Variants in FOCAD observed in about 807,000 individuals in gnomAD.
The protein encoded by FOCAD is KIAA1797.
In FOCAD, 198 loss-of-function variants were observed where a neutral mutation model predicts 225.6. That is an observed-to-expected ratio of 0.88 (90% CI 0.78 to 0.99). The LOEUF is 0.99. FOCAD is among the 50% of genes least tolerant of loss of function. The probability of loss-of-function intolerance (pLI) is 0.00; values close to 1 mark genes in which losing one functional copy is unlikely to be tolerated. For missense variants in FOCAD, 2,713 were observed against 2,123.6 expected (o/e 1.28, Z -5.46); for synonymous variants, 897 against 755.0 (o/e 1.19, Z -3.08).
chr9:20,919,702 G>C (rs989281428), intron 24 of FOCAD, among the ~76,000 whole-genome samples: 4 of 152,160 alleles, frequency 2.6e-5, no homozygotes, highest in Non-Finnish European at 5.9e-5. Context: ...AGAAAAACAA[G>C]CAATGGGGAA....
chr9:20,770,744 A>C (rs902210274), intron 8 of FOCAD, among the ~76,000 whole-genome samples: 1 of 152,214 alleles, frequency 6.6e-6, no homozygotes, highest in African/African-American at 2.4e-5. Flanking sequence ...TAGTTTGCAT[A>C]TTAGAGGCAT....
chr9:20,995,570 T>G lies in FOCAD; in HGVS notation c.5347T>G (p.Leu1783Val). 1 of 1,612,790 alleles carries G rather than the reference T, an allele frequency of 6.2e-7. No individual in the cohort carries two copies. Among genetic ancestry groups the G allele is most frequent in the Non-Finnish European group, 8.5e-7 (1 of 1,178,896 alleles). ...RDLLKATLLSLRVLPEFKKKA... is the reference protein window; with the variant it reads ...RDLLKATLLSVRVLPEFKKKA... ...TGTCCCCTTAGCCACCCTGCTGTCC[T>G]TGAGAGTTCTCCCAGAGTTTAAGAA... The change falls in exon 44 of 44, where the codon TTG (leucine) becomes GTG (valine). Residue 1783 changes from leucine (L) to valine (V), a missense_variant. Coordinates refer to ENST00000338382, the MANE Select transcript of FOCAD (RefSeq NM_001375567.1).
chr9:20,834,641 T>C (rs938137798), intron 15 of FOCAD, among the ~76,000 whole-genome samples: 1 of 152,024 alleles, frequency 6.6e-6, no homozygotes, highest in Non-Finnish European at 1.5e-5. Context: ...ATTCCTTCCT[T>C]ATGAACTTCA....
intron 15 of FOCAD, among the ~76,000 whole-genome samples, chr9:20,843,980 T>C (rs1826811413): frequency 6.6e-6 from 1 of 152,144 alleles, no homozygotes; most frequent in Non-Finnish European, 1.5e-5. Flanking sequence ...AAGTTAGAAA[T>C]GAAAGACAAC....
At chr9:20,918,964 C>T (rs1005885514) in intron 24 of FOCAD, among the ~76,000 whole-genome samples, 1 of 152,110 alleles carries the variant, frequency 6.6e-6, no homozygotes, top group African/African-American at 2.4e-5. Context: ...TCCTTAGCTA[C>T]GGCTGCCACA....
chr9:20,948,242 CT>C, intron 30 of FOCAD, 28 bp from the exon 31 acceptor site: 1 of 1,524,048 alleles, frequency 6.6e-7, no homozygotes, highest in Non-Finnish European at 8.8e-7. Flanking sequence ...TTTTCTTTTT[CT>C]TACCCCATTT....
chr9:20,762,086 C>T (rs1444836218), intron 6 of FOCAD, among the ~76,000 whole-genome samples: 1 of 152,116 alleles, frequency 6.6e-6, no homozygotes. Flanking sequence ...TTATATGAAC[C>T]TTACATTTCA....
At chr9:20,758,586 A>G (rs1037708280) in intron 6 of FOCAD, among the ~76,000 whole-genome samples, 6 of 147,174 alleles carry the variant, frequency 4.1e-5, no homozygotes, top group South Asian at 2.1e-4. Flanking sequence ...TCATTGTTCA[A>G]TTCCCACCTA....
intron 35 of FOCAD, among the ~76,000 whole-genome samples, chr9:20,954,037 G>A (rs1837921184): frequency 6.6e-6 from 1 of 152,112 alleles, no homozygotes; most frequent in South Asian, 2.1e-4. Context: ...TCCAGATTTT[G>A]AATATTTTCA....
intron 26 of FOCAD, 48 bp from the exon 27 acceptor site, chr9:20,929,310 C>G (rs781106594): frequency 1.4e-6 from 2 of 1,470,062 alleles, no homozygotes; most frequent in Non-Finnish European, 1.9e-6. Context: ...AGGTATGCTT[C>G]CTTCATGTTT....
At chr9:20,736,858 G>A (rs1827190450) in intron 4 of FOCAD, among the ~76,000 whole-genome samples, 1 of 151,800 alleles carries the variant, frequency 6.6e-6, no homozygotes, top group African/African-American at 2.4e-5. Context: ...ATTGAAGTAG[G>A]GGTTTAAATA....
intron 5 of FOCAD, among the ~76,000 whole-genome samples, chr9:20,744,741 T>C (rs1414085208): frequency 6.6e-6 from 1 of 152,206 alleles, no homozygotes; most frequent in African/African-American, 2.4e-5. Context: ...ATTGTTGCCA[T>C]GAAACAATGG....
chr9:20,691,509 T>G (rs1822976113), intron 1 of FOCAD, among the ~76,000 whole-genome samples: 1 of 152,014 alleles, frequency 6.6e-6, no homozygotes, highest in Non-Finnish European at 1.5e-5. Context: ...TGAGATGGAG[T>G]CTCGCTCTGT....
chr9:20,927,692 C>T (rs980284017), intron 26 of FOCAD: 1 of 151,946 alleles, frequency 6.6e-6, no homozygotes, highest in Non-Finnish European at 1.5e-5. Context: ...TTGGTCCTAC[C>T]CTATTACTAT....
intron 22 of FOCAD, among the ~76,000 whole-genome samples, chr9:20,910,967 G>C (rs995243992): frequency 5.3e-5 from 8 of 152,084 alleles, no homozygotes; most frequent in African/African-American, 1.9e-4. Context: ...TTAAGAAGGT[G>C]CATGTATTCT....
chr9:20,766,487 G>C (rs1203624000), intron 7 of FOCAD, among the ~76,000 whole-genome samples: 1 of 151,948 alleles, frequency 6.6e-6, no homozygotes, highest in Non-Finnish European at 1.5e-5. Context: ...TATTTTGCAA[G>C]GCAACCATTT....
At chr9:20,839,970 A>G (rs1426810672) in intron 15 of FOCAD, among the ~76,000 whole-genome samples, 1 of 152,078 alleles carries the variant, frequency 6.6e-6, no homozygotes, top group Non-Finnish European at 1.5e-5. Flanking sequence ...AGTTCACTCT[A>G]GATGTATGGA....
intron 9 of FOCAD, among the ~76,000 whole-genome samples, chr9:20,781,469 A>G (rs772555293): frequency 1.3e-5 from 2 of 150,316 alleles, no homozygotes; most frequent in Non-Finnish European, 3.0e-5. Context: ...GTTGAATTGT[A>G]TTTTTTAAAA....
intron 5 of FOCAD, among the ~76,000 whole-genome samples, chr9:20,755,139 GCTT>G (rs565455575): frequency 3.2e-3 from 483 of 152,232 alleles, no homozygotes; most frequent in African/African-American, 0.011. Context: ...AAGCTTTTCA[GCTT>G]CTTAGAATCA....
Sources: allele counts gnomAD v4.1 joint callset (sites outside exome capture counted in the v4.1 genomes callset), GRCh38; gene constraint gnomAD v4.1.1; transcripts MANE v1.5; gene names NCBI Gene and HGNC (gene_info 2026-07-23, HGNC 2026-07-21).